RHBDL3: variants seen among roughly 807,000 people sequenced by gnomAD.
The protein encoded by RHBDL3 is rhomboid-related protein 3.
RHBDL3 carries 28 observed loss-of-function variants against 48.2 expected under a neutral mutation model. The ratio of observed to expected loss-of-function variants is 0.58; its 90% CI spans 0.43 to 0.80. RHBDL3 has a LOEUF of 0.80. RHBDL3 is among the 30% of genes least tolerant of loss of function. The probability of loss-of-function intolerance (pLI) is 0.00; values close to 1 mark genes in which losing one functional copy is unlikely to be tolerated. For synonymous variants in RHBDL3, 208 were observed against 232.3 expected (o/e 0.90, Z 0.95); for missense variants, 464 against 542.7 (o/e 0.85, Z 1.44).
Position 32,289,006 on chromosome 17 carries a change from C to T in RHBDL3, c.509C>T (p.Thr170Met), listed in dbSNP as rs565282405. 3.8e-5 allele frequency: 62 copies of T among 1,613,928 alleles called. No individual in the cohort carries two copies. Among genetic ancestry groups the T allele is most frequent in the South Asian group, 2.4e-4 (22 of 91,076 alleles). ...CPPPWFMITVTLLEVAFFLYN... is the reference protein window; with the variant it reads ...CPPPWFMITVMLLEVAFFLYN... The stretch of plus-strand genomic sequence containing the variant: ...CCACCCTGGTTCATGATCACAGTCA[C>T]GCTGCTGGAGGCAAGGACAAGGGTG... Residue 170 changes from threonine to methionine, a missense_variant, in exon 4 of 9, where the codon ACG becomes ATG. Physicochemically the swap from Thr to Met is moderately conservative, Grantham distance 81. Transcript: ENST00000269051.
chr17:32,268,112 C>T (rs955100021), intron 2 of RHBDL3, among the ~76,000 whole-genome samples, 187 bp downstream of exon 2: 1 of 152,156 alleles, frequency 6.6e-6, no homozygotes, highest in African/African-American at 2.4e-5. Context: ...AGATGGGCTC[C>T]CCTGAGAGGA....
At chr17:32,272,943 A>G (rs2039807933) in intron 2 of RHBDL3, among the ~76,000 whole-genome samples, 1 of 152,162 alleles carries the variant, frequency 6.6e-6, no homozygotes, top group Admixed American at 6.5e-5. Context: ...CTCAAGGAAT[A>G]TAGGTTATTA....
At chr17:32,306,688 G>A (rs554108290) in intron 7 of RHBDL3, among the ~76,000 whole-genome samples, 2 of 152,318 alleles carry the variant, frequency 1.3e-5, no homozygotes, top group South Asian at 4.1e-4. Flanking sequence ...GAGAGGCTGA[G>A]GTGGGCAGAT....
At position 32,305,387 on chromosome 17, in the gene RHBDL3, C is replaced by T. The variant is rs898644592; in HGVS notation, c.828C>T (p.Gly276=). 35 of 1,613,742 alleles carry T rather than the reference C, an allele frequency of 2.2e-5. No individual in the cohort carries two copies. Among genetic ancestry groups the T allele is most frequent in the Non-Finnish European group, 2.5e-5 (30 of 1,179,818 alleles). Residue 276 remains glycine (G), a synonymous_variant, in exon 7 of 9, where the codon GGC becomes GGT. Transcript: ENST00000269051. ...SVADMTAPVV[G]SSGGVYALVS... is the part of the protein sequence containing the mutation. ...CTGACATGACCGCTCCAGTCGTGGG[C>T]TCTTCTGGAGGGGTGTATGCTCTCG...
At chr17:32,319,389 T>C (rs1292212724) in intron 8 of RHBDL3, among the ~76,000 whole-genome samples, 5 of 122,896 alleles carry the variant, frequency 4.1e-5, no homozygotes, top group African/African-American at 1.3e-4. Flanking sequence ...GCCACTGCAC[T>C]CCAGCCTGGG....
chr17:32,290,055 G>A (rs112296011), intron 4 of RHBDL3, among the ~76,000 whole-genome samples: 2,505 of 152,242 alleles, frequency 0.016, 65 homozygotes, highest in African/African-American at 0.057. Flanking sequence ...ATTAACTTCT[G>A]TTTGAGGCCC....
chr17:32,294,833 G>A (rs2040412767), intron 5 of RHBDL3, among the ~76,000 whole-genome samples: 1 of 152,180 alleles, frequency 6.6e-6, no homozygotes, highest in East Asian at 1.9e-4. Flanking sequence ...GTGTGTGAGT[G>A]CCTCCCAGTG....
rs1007411371 is a variant in RHBDL3, at chr17:32,283,575, G to A, written c.136-1084G>A. ...CCTGACCTTGTGATCCGCCCGCCTT[G>A]GCCTCCCAAAGTGCTGGGATTACAG... On this transcript the variant is annotated intron_variant, in intron 2 of 8. Coordinates refer to ENST00000269051, the MANE Select transcript of RHBDL3 (RefSeq NM_138328.3). 2.0e-4 allele frequency among the ~76,000 whole-genome samples: 30 copies of A among 152,032 alleles called. 1 individual carries two copies. The highest frequency in any genetic ancestry group is 1.1e-3 in the Admixed American group (17 of 15,280).
chr17:32,321,621 G>C lies in RHBDL3; in HGVS notation c.*392G>C. On this transcript the variant is annotated 3_prime_UTR_variant, in exon 9 of 9. Coordinates refer to ENST00000269051, the MANE Select transcript of RHBDL3 (RefSeq NM_138328.3). ...CCCTCAGAGACCCTAAGAGACATGGGAAGGCTCGAAGGTTGTTGCGTCCAG... is the reference window on the plus strand; with the variant it reads ...CCCTCAGAGACCCTAAGAGACATGGCAAGGCTCGAAGGTTGTTGCGTCCAG... 5.7e-6 allele frequency: 2 copies of C among 351,808 alleles called. No individual in the cohort carries two copies. Among genetic ancestry groups the C allele is most frequent in the African/African-American group, 2.1e-5 (1 of 47,666 alleles). The allele number at this position is 351,808 out of a possible 1,614,324, so 21.8% of individuals were successfully genotyped here.
At chr17:32,315,687 A>G (rs2040954164) in intron 7 of RHBDL3, among the ~76,000 whole-genome samples, 1 of 151,792 alleles carries the variant, frequency 6.6e-6, no homozygotes, top group African/African-American at 2.4e-5. Context: ...CTCTCTCTGA[A>G]GTTTTCATCC....
Position 32,323,463 on chromosome 17 carries a change from G to A in RHBDL3, c.*2234G>A, listed in dbSNP as rs1022864184. ...CTGAGCGATGAGGTCCTTTCCTGGA[G>A]GGATGGAGAATCCCCTCCAGATTCC... On this transcript the variant is annotated 3_prime_UTR_variant, in exon 9 of 9. Transcript: ENST00000269051. 2 of 152,446 alleles carry A rather than the reference G, an allele frequency of 1.3e-5. No individual in the cohort carries two copies. Among genetic ancestry groups the A allele is most frequent in the Non-Finnish European group, 2.9e-5 (2 of 68,268 alleles). The allele number at this position is 152,446 out of a possible 1,614,324, so 9.4% of individuals were successfully genotyped here.
intron 3 of RHBDL3, chr17:32,288,483 T>A (rs892629382): frequency 1.9e-5 from 7 of 369,616 alleles, no homozygotes; most frequent in Non-Finnish European, 3.5e-5. Flanking sequence ...CCTTACTGAG[T>A]GTGAACTTGA....
intron 3 of RHBDL3, among the ~76,000 whole-genome samples, chr17:32,285,768 A>G (rs2040183975): frequency 6.6e-6 from 1 of 152,114 alleles, no homozygotes; most frequent in Non-Finnish European, 1.5e-5. Flanking sequence ...AGGGAGCGAG[A>G]GTGAAATGAC....
At chr17:32,299,274 C>T (rs1287946094) in intron 6 of RHBDL3, among the ~76,000 whole-genome samples, 1 of 152,168 alleles carries the variant, frequency 6.6e-6, no homozygotes, top group Non-Finnish European at 1.5e-5. Flanking sequence ...GGTCCCACCC[C>T]ACCCACACGA....
chr17:32,267,044 A>G (rs758870841), intron 1 of RHBDL3, among the ~76,000 whole-genome samples: 3 of 152,044 alleles, frequency 2.0e-5, no homozygotes, highest in Non-Finnish European at 2.9e-5. Context: ...TTCTTGGGTT[A>G]ACCTCCCGGG....
intron 2 of RHBDL3, among the ~76,000 whole-genome samples, chr17:32,282,850 C>T (rs933479408): frequency 3.3e-5 from 5 of 152,168 alleles, no homozygotes; most frequent in African/African-American, 1.2e-4. Context: ...TCTTGATCTC[C>T]TGACCTCGTG....
At chr17:32,297,324 C>T (rs995737503) in intron 5 of RHBDL3, among the ~76,000 whole-genome samples, 22 of 151,964 alleles carry the variant, frequency 1.4e-4, no homozygotes, top group Middle Eastern at 3.2e-3. Context: ...AAAAATTAGC[C>T]GGGCATGGTG....
At chr17:32,284,882 T>A in intron 3 of RHBDL3, 65 bp downstream of exon 3, 1 of 1,410,744 alleles carries the variant, frequency 7.1e-7, no homozygotes, top group Non-Finnish European at 9.9e-7. Flanking sequence ...TCCACACATT[T>A]AAAGGATTTA....
rs190852776 is a variant in RHBDL3 at position 32,323,883 on chromosome 17, G to A, written c.*2654G>A. ...TGACCCAGGCCTCTCCCCAGGTCAG[G>A]AGGCAGCTGTCTGGTCAGAGGGGTT... is the stretch of plus-strand genomic sequence containing the variant. On this transcript the variant is annotated 3_prime_UTR_variant, in exon 9 of 9. Coordinates refer to ENST00000269051, the MANE Select transcript of RHBDL3 (RefSeq NM_138328.3). 6.5e-6 allele frequency: 1 copy of A among 152,672 alleles called. No individual in the cohort carries two copies. The highest frequency in any genetic ancestry group is 1.9e-4 in the East Asian group (1 of 5,186). 9.5% of individuals were successfully genotyped at this position (152,672 alleles called of 1,614,324 possible). A position where few individuals can be genotyped will look rare whatever the true frequency, so the allele number is the denominator to read the frequency against.
Sources: gnomAD v4.1 joint callset for allele counts (sites outside exome capture counted in the v4.1 genomes callset) on GRCh38, gnomAD v4.1.1 for gene constraint, MANE v1.5 for transcripts, NCBI Gene and HGNC (gene_info 2026-07-23, HGNC 2026-07-21) for gene names.